Variants in TUSC3 observed in about 807,000 individuals in gnomAD.
TUSC3 encodes the protein dolichyl-diphosphooligosaccharide--protein glycosyltransferase subunit TUSC3.
Under a neutral mutation model 44.8 loss-of-function variants are expected in TUSC3, and 45 were observed. That is an observed-to-expected ratio of 1.00 (90% confidence interval 0.79 to 1.29). The LOEUF is 1.29. TUSC3 is among the 50% of genes most tolerant of loss of function. TUSC3 has a pLI of 0.00. For missense variants in TUSC3, 519 were observed against 437.9 expected (o/e 1.19, Z -1.65); for synonymous variants, 212 against 152.9 (o/e 1.39, Z -2.85).
chr8:15,439,764 C>T (rs1799997109), intron 1 of TUSC3, among the ~76,000 whole-genome samples: 1 of 152,096 alleles, frequency 6.6e-6, no homozygotes, highest in African/African-American at 2.4e-5. Flanking sequence ...TATTTCCCTC[C>T]AGTGTTTGAT....
At chr8:15,824,093 GGAA>G in the TUSC3 span, among the ~76,000 whole-genome samples, 1 of 152,190 alleles carries the variant, frequency 6.6e-6, no homozygotes. Flanking sequence ...TTTAGAAGGA[GGAA>G]GAAGATGAGG....
the TUSC3 span, among the ~76,000 whole-genome samples, chr8:15,782,949 A>C: frequency 6.6e-6 from 1 of 152,104 alleles, no homozygotes; most frequent in Admixed American, 6.5e-5. Flanking sequence ...TGGTAACATG[A>C]TGTGATAAAA....
intron 2 of TUSC3, among the ~76,000 whole-genome samples, chr8:15,511,927 G>T (rs1192621150): frequency 6.6e-6 from 1 of 151,786 alleles, no homozygotes; most frequent in African/African-American, 2.4e-5. Context: ...ATATTACAAA[G>T]ATATCAATTG....
At chr8:15,518,576 C>A (rs565279007) in intron 2 of TUSC3, among the ~76,000 whole-genome samples, 1 of 152,036 alleles carries the variant, frequency 6.6e-6, no homozygotes, top group Admixed American at 6.6e-5. Flanking sequence ...ACAATCTCAG[C>A]TTTTATAATA....
chr8:15,699,734 T>G (rs1262628640), intron 6 of TUSC3, among the ~76,000 whole-genome samples: 1 of 152,160 alleles, frequency 6.6e-6, no homozygotes, highest in East Asian at 1.9e-4. Flanking sequence ...TTTAGTGCCC[T>G]TTACAAAGAG....
chr8:15,427,725 G>A (rs1456798171), intron 1 of TUSC3, among the ~76,000 whole-genome samples: 1 of 152,158 alleles, frequency 6.6e-6, no homozygotes, highest in South Asian at 2.1e-4. Flanking sequence ...AATTGAGGTT[G>A]CTGCAGCCTC....
chr8:15,475,096 A>G (rs1471162645), intron 1 of TUSC3, among the ~76,000 whole-genome samples: 2 of 152,198 alleles, frequency 1.3e-5, no homozygotes, highest in African/African-American at 4.8e-5. Context: ...TTGCTGCTAC[A>G]TGATAATAAC....
At chr8:15,493,997 C>T (rs1800845322) in intron 2 of TUSC3, among the ~76,000 whole-genome samples, 1 of 152,288 alleles carries the variant, frequency 6.6e-6, no homozygotes, top group South Asian at 2.1e-4. Flanking sequence ...GGTATTTACA[C>T]AACATGGTAT....
At chr8:15,827,433 G>C in the TUSC3 span, among the ~76,000 whole-genome samples, 3 of 152,080 alleles carry the variant, frequency 2.0e-5, no homozygotes, top group Non-Finnish European at 2.9e-5. Context: ...GGATTCAATG[G>C]GTAGTGTTCA....
chr8:15,698,536 T>C (rs1223434727), intron 6 of TUSC3, among the ~76,000 whole-genome samples: 1 of 152,180 alleles, frequency 6.6e-6, no homozygotes, highest in Non-Finnish European at 1.5e-5. Context: ...TCAAACCTCA[T>C]TTATGGTTCA....
intron 2 of TUSC3, among the ~76,000 whole-genome samples, chr8:15,634,001 C>T (rs990023639): frequency 7.2e-5 from 11 of 152,298 alleles, no homozygotes; most frequent in East Asian, 5.8e-4. Context: ...TATCTGAAGG[C>T]TAGCCTCATT....
intron 1 of TUSC3, among the ~76,000 whole-genome samples, chr8:15,440,565 C>T (rs1295412897): frequency 1.3e-5 from 2 of 152,140 alleles, no homozygotes; most frequent in Admixed American, 1.3e-4. Context: ...AGTTAGAAGT[C>T]TGTTAAAGAA....
At chr8:15,716,847 G>A (rs1048330686) in intron 6 of TUSC3, among the ~76,000 whole-genome samples, 2 of 151,638 alleles carry the variant, frequency 1.3e-5, no homozygotes, top group Non-Finnish European at 1.5e-5. Flanking sequence ...ATTTTTTTGA[G>A]TTTAAGTGTT....
chr8:15,499,960 T>C (rs1344254004), intron 2 of TUSC3, among the ~76,000 whole-genome samples: 3 of 152,226 alleles, frequency 2.0e-5, no homozygotes, highest in Non-Finnish European at 4.4e-5. Flanking sequence ...AATACCAATA[T>C]AGATCATATT....
At chr8:15,581,589 A>T (rs1803341178) in intron 1 of TUSC3, among the ~76,000 whole-genome samples, 1 of 149,320 alleles carries the variant, frequency 6.7e-6, no homozygotes. Context: ...GTGAGGTGTC[A>T]GTGTGCCCCT....
At chr8:15,635,137 G>T (rs1302002595) in intron 2 of TUSC3, among the ~76,000 whole-genome samples, 1 of 152,112 alleles carries the variant, frequency 6.6e-6, no homozygotes, top group East Asian at 1.9e-4. Context: ...GTCAAGGAAG[G>T]AAAGGAAGCA....
chr8:15,762,291 G>A (rs1376028162), intron 10 of TUSC3, among the ~76,000 whole-genome samples: 1 of 151,642 alleles, frequency 6.6e-6, no homozygotes, highest in Non-Finnish European at 1.5e-5. Flanking sequence ...TACAATAAAG[G>A]ATACATCTAA....
chr8:15,779,851 G>A, the TUSC3 span, among the ~76,000 whole-genome samples: 1 of 152,064 alleles, frequency 6.6e-6, no homozygotes, highest in Non-Finnish European at 1.5e-5. Context: ...ACTAATAAAG[G>A]GCAACTACAG....
chr8:15,789,141 GGTA>G, the TUSC3 span, among the ~76,000 whole-genome samples: 1 of 152,152 alleles, frequency 6.6e-6, no homozygotes, highest in African/African-American at 2.4e-5. Flanking sequence ...CAGAGTGTTA[GGTA>G]AAAACCTTTC....
Sources: allele counts gnomAD v4.1 joint callset (sites outside exome capture counted in the v4.1 genomes callset), GRCh38; gene constraint gnomAD v4.1.1; transcripts MANE v1.5; gene names NCBI Gene and HGNC (gene_info 2026-07-23, HGNC 2026-07-21).